The following ST7L variants were observed in gnomAD, a reference collection of about 807,000 sequenced individuals.
The protein encoded by ST7L is suppression of tumorigenicity 7 like.
A neutral mutation model predicts 72.5 loss-of-function variants in ST7L; 57 were observed. That is an observed-to-expected ratio of 0.79 (90% CI 0.64 to 0.98). The LOEUF is 0.98. Among genes scored for constraint, ST7L ranks in the 50% least tolerant of loss-of-function variants. ST7L has a pLI of 0.00. For synonymous variants in ST7L, 221 were observed against 240.9 expected (o/e 0.92, Z 0.77); for missense variants, 576 against 672.2 (o/e 0.86, Z 1.58).
intron 12 of ST7L, among the ~76,000 whole-genome samples, chr1:112,555,585 G>T (rs895904848): frequency 6.6e-6 from 1 of 152,002 alleles, no homozygotes. Context: ...AAAAAAAGTT[G>T]TAAGTCAAAG....
In ST7L at chr1:112,619,065, G is replaced by A. The variant is rs1032764593; in HGVS notation, c.49C>T (p.Pro17Ser). 3.7e-6 allele frequency: 6 copies of A among 1,613,742 alleles called. No individual in the cohort carries two copies. The highest frequency in any genetic ancestry group is 5.1e-6 in the Non-Finnish European group (6 of 1,180,000). The change falls in exon 1 of 15, where the codon CCT becomes TCT. Residue 17 changes from proline to serine, a missense_variant. Physicochemically the swap from Pro to Ser is moderately conservative, Grantham distance 74. Around this residue, in one of 3 missense-constraint regions of ST7L, gnomAD observed 56 missense variants for 45.8 expected, o/e 1.22. Coordinates refer to ENST00000358039, the MANE Select transcript of ST7L (RefSeq NM_017744.5). The part of the protein sequence containing the change: ...VGEAAAVGAS[P>S]ASVPGLNPTL... Reference sequence around the variant, plus strand: ...GGGTTTAGGCCAGGGACAGATGCAGGAGACGCTCCAACAGCTGCGGCTTCA... The same window carrying A: ...GGGTTTAGGCCAGGGACAGATGCAGAAGACGCTCCAACAGCTGCGGCTTCA...
At chr1:112,577,198 C>T (rs1663239241) in intron 10 of ST7L, 110 bp from the exon 11 acceptor site, 2 of 572,002 alleles carry the variant, frequency 3.5e-6, no homozygotes, top group Non-Finnish European at 5.6e-6. Flanking sequence ...CTGGAGATGG[C>T]CAAAAACAAA....
At chr1:112,570,545 G>GTATATATATATATATATATATATATA (rs71584748) in intron 11 of ST7L, among the ~76,000 whole-genome samples, 3 of 130,862 alleles carry the variant, frequency 2.3e-5, no homozygotes, top group Non-Finnish European at 1.6e-5. Flanking sequence ...AATAAAAGAT[G>GTATATATATATATATATATATATATA]TATATATATA....
intron 13 of ST7L, among the ~76,000 whole-genome samples, chr1:112,547,459 C>G (rs12040657): frequency 6.7e-6 from 1 of 150,326 alleles, no homozygotes; most frequent in Non-Finnish European, 1.5e-5. Context: ...TCCCAAAGTT[C>G]TGGGATTACA....
intron 3 of ST7L, among the ~76,000 whole-genome samples, chr1:112,602,052 C>A (rs1667470833): frequency 6.8e-6 from 1 of 146,886 alleles, no homozygotes. Context: ...CCATTGCATT[C>A]CAGCCTGGGC....
At position 112,524,828 on chromosome 1, in the gene ST7L, A is replaced by C. The variant is rs1653160475; in HGVS notation, c.*1185T>G. On this transcript the variant is annotated 3_prime_UTR_variant, in exon 15 of 15. Transcript: ENST00000358039. ...CTCAGGCTGCATAGGAGTTCTGCTC[A>C]TCCTCCTCTCCCCAACAATTAAAAA... is the stretch of plus-strand genomic sequence containing the variant. The C allele has an allele frequency of 6.6e-6, 1 of 152,022 alleles. No homozygotes were observed. The highest frequency in any genetic ancestry group is 1.5e-5 in the Non-Finnish European group (1 of 68,046). 9.4% of individuals were successfully genotyped at this position (152,022 alleles called of 1,614,324 possible). A position where few individuals can be genotyped will look rare whatever the true frequency, so the allele number is the denominator to read the frequency against.
intron 6 of ST7L, among the ~76,000 whole-genome samples, chr1:112,590,666 T>A (rs938559037): frequency 6.6e-6 from 1 of 152,218 alleles, no homozygotes; most frequent in Non-Finnish European, 1.5e-5. Flanking sequence ...TATTTATTGA[T>A]CTGTTCCTTG....
At chr1:112,611,910 C>CA (rs1669113348) in intron 2 of ST7L, among the ~76,000 whole-genome samples, 1 of 138,696 alleles carries the variant, frequency 7.2e-6, no homozygotes, top group South Asian at 2.2e-4. Flanking sequence ...GTCAAGGCTG[C>CA]AGTGAGCTGA....
At chr1:112,599,616 T>A (rs1183754576) in intron 4 of ST7L, among the ~76,000 whole-genome samples, 1 of 152,200 alleles carries the variant, frequency 6.6e-6, no homozygotes, top group Non-Finnish European at 1.5e-5. Context: ...AGTCAATATA[T>A]AGTCCCTCTA....
intron 13 of ST7L, among the ~76,000 whole-genome samples, chr1:112,548,853 A>G (rs1657602657): frequency 6.6e-6 from 1 of 152,220 alleles, no homozygotes; most frequent in South Asian, 2.1e-4. Context: ...CAGGAACTAG[A>G]CTGAAACACT....
In ST7L at chr1:112,582,007, G is replaced by C. The variant is rs1664198519; in HGVS notation, c.1054C>G (p.Leu352Val). 1 of 1,607,678 alleles carries C rather than the reference G, an allele frequency of 6.2e-7. No homozygotes were observed. ...TATGACTCACCATCATATTTTGCTA[G>C]GACTGCCTGAACATCTGGATAGGCC... ...LQAYPDVQAV[L>V]AKYDDISLPK... The change falls in exon 9 of 15, where the codon CTA (leucine) becomes GTA (valine). Residue 352 changes from leucine (L) to valine (V), a missense_variant. Transcript: ENST00000358039.
intron 1 of ST7L, chr1:112,618,208 T>C: frequency 8.4e-7 from 1 of 1,195,712 alleles, no homozygotes; most frequent in Non-Finnish European, 1.1e-6. Context: ...TAAAGAATAG[T>C]ACAGTATATG....
chr1:112,536,038 T>C (rs1454480739), intron 14 of ST7L, among the ~76,000 whole-genome samples: 1 of 152,198 alleles, frequency 6.6e-6, no homozygotes, highest in African/African-American at 2.4e-5. Flanking sequence ...TTTTGACCTG[T>C]CACACAATAG....
At chr1:112,605,298 C>T (rs1335155230) in intron 3 of ST7L, among the ~76,000 whole-genome samples, 3 of 152,116 alleles carry the variant, frequency 2.0e-5, no homozygotes, top group Non-Finnish European at 4.4e-5. Flanking sequence ...GAGGCTGAGG[C>T]AGGAGAATCA....
chr1:112,574,012 T>G (rs1662625716), intron 11 of ST7L, among the ~76,000 whole-genome samples: 4 of 139,720 alleles, frequency 2.9e-5, no homozygotes. Context: ...TCTCTAGGAC[T>G]CAAGTGATTC....
chr1:112,604,947 C>T lies in ST7L; in HGVS notation c.452-4099G>A, dbSNP rs576535055. Among the ~76,000 whole-genome samples, 40 of 149,156 alleles carry T rather than the reference C, an allele frequency of 2.7e-4. 1 individual carries two copies. In the South Asian group the frequency reaches 8.3e-3, roughly 31 times the overall value. The stretch of plus-strand genomic sequence containing the variant: ...CTAAAATACAAAAAAAATAGCTGGG[C>T]GTGGTGGTGCATGCCTGTAATCCCA... On this transcript the variant is annotated intron_variant, in intron 3 of 14. Transcript: ENST00000358039.
chr1:112,584,347 TTG>T (rs1454212253), intron 6 of ST7L, among the ~76,000 whole-genome samples: 1 of 144,928 alleles, frequency 6.9e-6, no homozygotes, highest in Non-Finnish European at 1.6e-5. Flanking sequence ...TCCCTTCTCT[TTG>T]TTTTTTAAAA....
At chr1:112,543,878 A>AC (rs1160434620) in intron 13 of ST7L, among the ~76,000 whole-genome samples, 4 of 151,536 alleles carry the variant, frequency 2.6e-5, no homozygotes, top group African/African-American at 4.8e-5. Flanking sequence ...CAAAAAAAAA[A>AC]AAAAAAAAAA....
chr1:112,590,207 G>A (rs927714510), intron 6 of ST7L, among the ~76,000 whole-genome samples: 1 of 152,180 alleles, frequency 6.6e-6, no homozygotes. Context: ...AACGACCACA[G>A]TTCTTTGAAA....
Sources: gnomAD v4.1 joint callset for allele counts (sites outside exome capture counted in the v4.1 genomes callset) on GRCh38, gnomAD v4.1.1 for gene constraint, gnomAD v4.1.1 regional missense constraint, MANE v1.5 for transcripts, NCBI Gene and HGNC (gene_info 2026-07-23, HGNC 2026-07-21) for gene names.